RBFOX1: variants seen among roughly 807,000 people sequenced by gnomAD.
RBFOX1 encodes RNA binding fox-1 homolog 1, also known as RNA binding protein fox-1 homolog 1.
A neutral mutation model predicts 57.7 loss-of-function variants in RBFOX1; 8 were observed. That is an observed-to-expected ratio of 0.14 (90% confidence interval 0.08 to 0.25). The LOEUF (loss-of-function observed/expected upper bound fraction) is 0.25, where lower values mean the gene tolerates loss of function less well. RBFOX1 is among the 10% of genes least tolerant of loss of function. RBFOX1 has a pLI of 1.00. For missense variants in RBFOX1, 611 were observed against 548.5 expected, an observed-to-expected ratio of 1.11 and a Z score of -1.14; for synonymous variants, 326 against 222.4, an observed-to-expected ratio of 1.47 and a Z score of -4.15.
intron 3 of RBFOX1, among the ~76,000 whole-genome samples, chr16:5,841,745 C>T (rs1054965021): frequency 1.3e-5 from 2 of 152,198 alleles, no homozygotes; most frequent in African/African-American, 2.4e-5. Context: ...TGTCTGACTC[C>T]CAGCCCATCA....
At chr16:7,435,191 C>T (rs2098712324) in intron 4 of RBFOX1, among the ~76,000 whole-genome samples, 1 of 151,896 alleles carries the variant, frequency 6.6e-6, no homozygotes, top group Admixed American at 6.6e-5. Context: ...CTTCTTCTCC[C>T]CTTCTGGTCT....
At chr16:5,896,925 C>G (rs974025059) in intron 4 of RBFOX1, among the ~76,000 whole-genome samples, 4 of 151,504 alleles carry the variant, frequency 2.6e-5, no homozygotes, top group Admixed American at 1.3e-4. Context: ...TCACCTTTGT[C>G]TCTCCAACAT....
In RBFOX1 at chr16:7,072,187, C is replaced by T. The variant is rs190587134; in HGVS notation, c.27+20089C>T. The stretch of plus-strand genomic sequence containing the variant: ...AATTATTAATAGCACTTTCTTCTTT[C>T]CCCAGAAAGTCCTGGTTTGGAGAAT... On this transcript the variant is annotated intron_variant, in intron 4 of 15. Transcript: ENST00000550418. Among the ~76,000 whole-genome samples the T allele has an allele frequency of 4.5e-4, 69 of 152,270 alleles. 1 individual carries two copies. Among genetic ancestry groups the T allele is most frequent in the African/African-American group, 1.6e-3 (68 of 41,548 alleles).
chr16:7,710,881 T>A lies in RBFOX1; in HGVS notation c.*136T>A, dbSNP rs2083908890. 3.2e-6 allele frequency: 3 copies of A among 942,930 alleles called. No homozygotes were observed. Among genetic ancestry groups the A allele is most frequent in the Non-Finnish European group, 4.2e-6 (3 of 708,502 alleles). The allele number at this position is 942,930 out of a possible 1,614,324, so 58.4% of individuals were successfully genotyped here. ...AAATACAAATAAAAAGGAAAAAAAA[T>A]TACATTTTTTATCTTATACCTCAGA... On this transcript the variant is annotated 3_prime_UTR_variant, in exon 16 of 16. Coordinates refer to ENST00000550418, the MANE Select transcript of RBFOX1 (RefSeq NM_018723.4).
At chr16:7,577,701 C>G (rs576391024) in intron 5 of RBFOX1, among the ~76,000 whole-genome samples, 1 of 152,168 alleles carries the variant, frequency 6.6e-6, no homozygotes, top group African/African-American at 2.4e-5. Flanking sequence ...GCCAGAGGTT[C>G]AAGACCAGCC....
At chr16:5,992,239 G>C (rs947818121) in intron 4 of RBFOX1, among the ~76,000 whole-genome samples, 1 of 152,140 alleles carries the variant, frequency 6.6e-6, no homozygotes, top group African/African-American at 2.4e-5. Context: ...GAGTTTTCAA[G>C]TTCTTTAGAA....
At chr16:6,432,673 C>A (rs1484642714) in intron 2 of RBFOX1, among the ~76,000 whole-genome samples, 2 of 151,916 alleles carry the variant, frequency 1.3e-5, no homozygotes, top group African/African-American at 4.8e-5. Flanking sequence ...CAGATTGAGA[C>A]CCTGTCTCAA....
At chr16:6,705,059 C>G (rs746884849) in intron 3 of RBFOX1, 1 of 152,084 alleles carries the variant, frequency 6.6e-6, no homozygotes, top group East Asian at 1.9e-4. Flanking sequence ...ACCAGATGCA[C>G]TAAGCAGCTT....
intron 4 of RBFOX1, among the ~76,000 whole-genome samples, chr16:7,223,817 C>A (rs1317675879): frequency 1.4e-5 from 1 of 69,888 alleles, no homozygotes; most frequent in South Asian, 5.1e-4. Context: ...CTTCCTAAAC[C>A]AAAAGAGCAT....
intron 1 of RBFOX1, among the ~76,000 whole-genome samples, chr16:6,182,083 A>G (rs772177055): frequency 6.6e-6 from 1 of 152,202 alleles, no homozygotes; most frequent in Non-Finnish European, 1.5e-5. Flanking sequence ...GCCCAGGGAA[A>G]ATACAAAAGC....
intron 2 of RBFOX1, among the ~76,000 whole-genome samples, chr16:6,389,322 G>A (rs1207717271): frequency 6.6e-6 from 1 of 151,878 alleles, no homozygotes; most frequent in African/African-American, 2.4e-5. Context: ...GCATTGTCAA[G>A]ATGACCTGCC....
At position 6,072,018 on chromosome 16, in the gene RBFOX1, G is replaced by T. The variant is rs1046505812; in HGVS notation, c.-127+52026G>T. On this transcript the variant is annotated intron_variant, in intron 1 of 15. Transcript: ENST00000550418. ...ACATTGCTAATAAAGACATACCCAA[G>T]ACTGGGTAACTTACAAAGGAAAAGA... is the stretch of plus-strand genomic sequence containing the variant. Among the ~76,000 whole-genome samples the T allele has an allele frequency of 5.3e-5, 8 of 152,262 alleles. No individual in the cohort carries two copies. The South Asian group carries it at 1.7e-3, about 32-fold the overall frequency.
chr16:6,799,587 C>T (rs2084880110), intron 3 of RBFOX1, among the ~76,000 whole-genome samples: 1 of 152,056 alleles, frequency 6.6e-6, no homozygotes, highest in African/African-American at 2.4e-5. Flanking sequence ...AGGGAGCGGC[C>T]TGGGAGAGAA....
At chr16:6,362,949 A>C (rs570614303) in intron 2 of RBFOX1, among the ~76,000 whole-genome samples, 1 of 152,290 alleles carries the variant, frequency 6.6e-6, no homozygotes, top group Non-Finnish European at 1.5e-5. Flanking sequence ...GCAAGGCTAA[A>C]AGGTTGTACA....
intron 3 of RBFOX1, among the ~76,000 whole-genome samples, chr16:6,728,142 T>G (rs2067676014): frequency 6.6e-6 from 1 of 152,248 alleles, no homozygotes; most frequent in African/African-American, 2.4e-5. Flanking sequence ...GACTTTTGTT[T>G]TCATATCCAT....
chr16:7,229,190 A>G (rs1229471264), intron 4 of RBFOX1, among the ~76,000 whole-genome samples: 3 of 152,242 alleles, frequency 2.0e-5, no homozygotes, highest in Non-Finnish European at 2.9e-5. Flanking sequence ...TGCTTCAGAA[A>G]GCGTCGGCCT....
intron 1 of RBFOX1, among the ~76,000 whole-genome samples, chr16:6,144,620 G>C (rs575442785): frequency 2.6e-4 from 39 of 152,358 alleles, no homozygotes; most frequent in Admixed American, 2.5e-3. Context: ...GGTGACACAT[G>C]TCAAGGCTCA....
chr16:5,332,291 A>G (rs947502093), intron 1 of RBFOX1, among the ~76,000 whole-genome samples: 10 of 150,784 alleles, frequency 6.6e-5, no homozygotes, highest in African/African-American at 2.2e-4. Flanking sequence ...ATGTTTTGAG[A>G]CAGTCTCCCT....
At chr16:6,339,825 C>T (rs1478844791) in intron 2 of RBFOX1, among the ~76,000 whole-genome samples, 1 of 151,854 alleles carries the variant, frequency 6.6e-6, no homozygotes, top group Non-Finnish European at 1.5e-5. Flanking sequence ...TGCCTGCCAC[C>T]ATGCCCAGCT....
Sources: gnomAD v4.1 joint callset for allele counts (sites outside exome capture counted in the v4.1 genomes callset) on GRCh38, gnomAD v4.1.1 for gene constraint, MANE v1.5 for transcripts, NCBI Gene and HGNC (gene_info 2026-07-23, HGNC 2026-07-21) for gene names.